The following TBC1D32 variants were observed in gnomAD, a reference collection of about 807,000 sequenced individuals.
The protein encoded by TBC1D32 is protein broad-minded.
TBC1D32 carries 151 observed loss-of-function variants against 170.3 expected under a neutral mutation model. That is an observed-to-expected ratio of 0.89 (90% confidence interval 0.78 to 1.01). The LOEUF is 1.01. Among genes scored for constraint, TBC1D32 ranks in the 50% least tolerant of loss-of-function variants. The pLI is 0.00. For missense variants in TBC1D32, 1,464 were observed against 1,457.1 expected (o/e 1.00, Z -0.08); for synonymous variants, 498 against 488.0 (o/e 1.02, Z -0.27).
intron 21 of TBC1D32, among the ~76,000 whole-genome samples, chr6:121,211,462 C>G (rs1793045367): frequency 6.6e-6 from 1 of 152,094 alleles, no homozygotes; most frequent in Admixed American, 6.6e-5. Context: ...ATCCCTCACC[C>G]CTCTCCTATC....
intron 1 of TBC1D32, among the ~76,000 whole-genome samples, chr6:121,330,136 A>C (rs1472440688): frequency 6.6e-6 from 1 of 152,090 alleles, no homozygotes; most frequent in Non-Finnish European, 1.5e-5. Flanking sequence ...TGGGCACAAG[A>C]GATCCTCCCA....
intron 15 of TBC1D32, among the ~76,000 whole-genome samples, chr6:121,275,893 G>A (rs1168020444): frequency 6.6e-6 from 1 of 152,136 alleles, no homozygotes; most frequent in African/African-American, 2.4e-5. Flanking sequence ...GGGAAGCCAA[G>A]GCAGGCAGAT....
chr6:121,190,279 T>C (rs1789814059), intron 22 of TBC1D32, among the ~76,000 whole-genome samples: 1 of 128,112 alleles, frequency 7.8e-6, no homozygotes, highest in African/African-American at 3.0e-5. Flanking sequence ...CTTTCCTCAT[T>C]CCCCCTCCAC....
intron 22 of TBC1D32, among the ~76,000 whole-genome samples, chr6:121,202,796 AT>A (rs1791756689): frequency 6.6e-6 from 1 of 151,300 alleles, no homozygotes; most frequent in Non-Finnish European, 1.5e-5. Context: ...AGTATTAGTC[AT>A]TTACAATGTA....
At chr6:121,199,895 C>T (rs1460124067) in intron 22 of TBC1D32, among the ~76,000 whole-genome samples, 1 of 151,308 alleles carries the variant, frequency 6.6e-6, no homozygotes, top group African/African-American at 2.5e-5. Flanking sequence ...CTTTTAATTA[C>T]ACTAATTTTT....
At chr6:121,294,762 TGAGAA>T in intron 10 of TBC1D32, 102 bp from the exon 11 acceptor site, 1 of 931,342 alleles carries the variant, frequency 1.1e-6, no homozygotes, top group Non-Finnish European at 1.7e-6. Context: ...GAGAAATATT[TGAGAA>T]AAATATTTAG....
chr6:121,156,714 C>G (rs944956084), intron 24 of TBC1D32, among the ~76,000 whole-genome samples: 1 of 135,494 alleles, frequency 7.4e-6, no homozygotes, highest in Non-Finnish European at 1.7e-5. Flanking sequence ...TAAGTTGCAT[C>G]TCTACTTTGA....
rs1258286390 is a variant in TBC1D32 at position 121,294,636 on chromosome 6, C to T, written c.1165G>A (p.Val389Ile). Residue 389 changes from valine (V) to isoleucine (I), a missense_variant, in exon 11 of 32, where the codon GTT becomes ATT. By Grantham distance (29) the Val-to-Ile change is conservative (BLOSUM62 3). Around this residue, in one of 3 missense-constraint regions of TBC1D32, gnomAD observed 1,363 missense variants for 1,338.1 expected, o/e 1.02. Transcript: ENST00000398212. Reference protein sequence around the residue: ...SLVTTAIQQCVQYFEMCKTRK... With the variant: ...SLVTTAIQQCIQYFEMCKTRK... ...GTCTTACACATTTCAAAGTACTGAA[C>T]ACACTGTTGAATGGCTGTAGTTACC... 5 of 1,612,466 alleles carry T rather than the reference C, an allele frequency of 3.1e-6. No homozygotes were observed. The African/African-American group carries it at 5.3e-5, about 17-fold the overall frequency.
intron 24 of TBC1D32, among the ~76,000 whole-genome samples, chr6:121,154,706 TA>T (rs1309153833): frequency 6.6e-6 from 1 of 152,162 alleles, no homozygotes; most frequent in Non-Finnish European, 1.5e-5. Flanking sequence ...GCAACCTAAT[TA>T]AAGAGTTTCT....
intron 17 of TBC1D32, among the ~76,000 whole-genome samples, chr6:121,248,728 T>C (rs1044172374): frequency 4.6e-5 from 7 of 151,242 alleles, no homozygotes; most frequent in Non-Finnish European, 1.0e-4. Flanking sequence ...TTTGTGGAAA[T>C]ATACAACCAT....
At chr6:121,276,480 CTCAA>C (rs1802229657) in intron 15 of TBC1D32, among the ~76,000 whole-genome samples, 1 of 151,840 alleles carries the variant, frequency 6.6e-6, no homozygotes, top group Admixed American at 6.6e-5. Context: ...ACATAGAACG[CTCAA>C]TCAAAGCCAG....
chr6:121,162,397 G>A (rs1776817), intron 22 of TBC1D32, among the ~76,000 whole-genome samples: 39,703 of 151,874 alleles, frequency 0.26, 8,171 homozygotes, highest in African/African-American at 0.56. Flanking sequence ...CTGAAGGAAC[G>A]TATCACAAAA....
chr6:121,287,419 A>C (rs1804048165), intron 12 of TBC1D32, among the ~76,000 whole-genome samples: 1 of 152,196 alleles, frequency 6.6e-6, no homozygotes, highest in Admixed American at 6.5e-5. Context: ...CCATTACATA[A>C]TGGTAAAGGG....
Position 121,210,939 on chromosome 6 carries a change from G to A in TBC1D32, c.2482-5776C>T, listed in dbSNP as rs1022810357. Among the ~76,000 whole-genome samples, 17 of 152,088 alleles carry A rather than the reference G, an allele frequency of 1.1e-4. 1 individual carries two copies. Among genetic ancestry groups the A allele is most frequent in the Admixed American group, 7.2e-4 (11 of 15,262 alleles). On this transcript the variant is annotated intron_variant, in intron 21 of 31. Transcript: ENST00000398212. ...CCTACAAAACTGTGAGTTAATAAAC[G>A]GGTGTTGTTTTAATCCACTGGATTT...
chr6:121,255,210 A>T, intron 17 of TBC1D32, 118 bp downstream of exon 17: 1 of 491,134 alleles, frequency 2.0e-6, no homozygotes, highest in Non-Finnish European at 3.5e-6. Flanking sequence ...TTGAAGCTGT[A>T]TATATACATT....
At chr6:121,333,050 A>G (rs1811408198) in intron 1 of TBC1D32, among the ~76,000 whole-genome samples, 1 of 152,202 alleles carries the variant, frequency 6.6e-6, no homozygotes, top group Non-Finnish European at 1.5e-5. Context: ...ACTTGTACAT[A>G]GAATTTCAAA....
At chr6:121,281,496 T>C (rs1287136183) in intron 14 of TBC1D32, 48 bp downstream of exon 14, 2 of 1,498,874 alleles carry the variant, frequency 1.3e-6, no homozygotes, top group South Asian at 2.5e-5. Context: ...GAGTATCCAC[T>C]AATACCCAGG....
At chr6:121,227,873 C>T (rs6569183) in intron 20 of TBC1D32, among the ~76,000 whole-genome samples, 144,281 of 152,200 alleles carry the variant, frequency 0.95, 68,882 homozygotes, top group East Asian at 1. Context: ...GAGATCAGTG[C>T]TCTTTCTCCT....
At chr6:121,185,216 T>G (rs1273758) in intron 22 of TBC1D32, among the ~76,000 whole-genome samples, 1 of 151,998 alleles carries the variant, frequency 6.6e-6, no homozygotes, top group East Asian at 1.9e-4. Flanking sequence ...TTCTAGCAGG[T>G]ACTAATATAT....
Sources: gnomAD v4.1 joint callset for allele counts (sites outside exome capture counted in the v4.1 genomes callset) on GRCh38, gnomAD v4.1.1 for gene constraint, gnomAD v4.1.1 regional missense constraint, MANE v1.5 for transcripts, NCBI Gene and HGNC (gene_info 2026-07-23, HGNC 2026-07-21) for gene names.